PTPRN2: variants seen among roughly 807,000 people sequenced by gnomAD.
The protein encoded by PTPRN2 is protein tyrosine phosphatase receptor type N2.
In PTPRN2, 74 loss-of-function variants were observed where a neutral mutation model predicts 118.8. That is an observed-to-expected ratio of 0.62 (90% CI 0.52 to 0.76). PTPRN2 has a LOEUF of 0.76. PTPRN2 is among the 30% of genes least tolerant of loss of function. The pLI is 0.00. For synonymous variants in PTPRN2, 641 were observed against 608.0 expected (o/e 1.05, Z -0.80); for missense variants, 1,481 against 1,394.4 (o/e 1.06, Z -0.99).
chr7:157,593,236 GGGC>G (rs1369901957), intron 17 of PTPRN2, among the ~76,000 whole-genome samples: 1 of 150,904 alleles, frequency 6.6e-6, no homozygotes, highest in Non-Finnish European at 1.5e-5. Flanking sequence ...GGGTGGATGT[GGGC>G]ATCATCATGG....
At chr7:157,770,933 C>A (rs1403556540) in intron 12 of PTPRN2, among the ~76,000 whole-genome samples, 3 of 152,212 alleles carry the variant, frequency 2.0e-5, no homozygotes. Context: ...CTGTCCTCCC[C>A]ACCTGAGTGC....
At chr7:158,119,032 T>C (rs1816942320) in intron 9 of PTPRN2, among the ~76,000 whole-genome samples, 1 of 152,244 alleles carries the variant, frequency 6.6e-6, no homozygotes, top group South Asian at 2.1e-4. Context: ...GAGATAGCAC[T>C]GTGAGTGTAT....
intron 12 of PTPRN2, among the ~76,000 whole-genome samples, chr7:157,727,931 T>C (rs2150932271): frequency 6.6e-6 from 1 of 152,236 alleles, no homozygotes; most frequent in Non-Finnish European, 1.5e-5. Context: ...CCCTCCATCC[T>C]TCCACACTCA....
At chr7:157,799,897 C>T (rs1805135305) in intron 12 of PTPRN2, among the ~76,000 whole-genome samples, 1 of 147,106 alleles carries the variant, frequency 6.8e-6, no homozygotes, top group African/African-American at 2.6e-5. Flanking sequence ...AGCCGGCCCC[C>T]TCCATCCCTC....
chr7:157,959,656 G>C (rs956352012), intron 11 of PTPRN2, among the ~76,000 whole-genome samples: 1 of 152,174 alleles, frequency 6.6e-6, no homozygotes, highest in Non-Finnish European at 1.5e-5. Flanking sequence ...CACTCCTCAG[G>C]ACGGCCATCC....
intron 12 of PTPRN2, among the ~76,000 whole-genome samples, chr7:157,766,868 G>A (rs553552288): frequency 1.3e-5 from 2 of 152,314 alleles, no homozygotes; most frequent in African/African-American, 4.8e-5. Flanking sequence ...TGTAGTTGAT[G>A]GCACCAGAAA....
intron 11 of PTPRN2, among the ~76,000 whole-genome samples, chr7:157,985,451 G>A (rs1803707370): frequency 6.6e-6 from 1 of 152,172 alleles, no homozygotes; most frequent in Admixed American, 6.5e-5. Context: ...CTGGCCCAAG[G>A]TGACCTCATT....
chr7:158,187,613 G>A (rs1489029623), intron 5 of PTPRN2, among the ~76,000 whole-genome samples: 1 of 152,182 alleles, frequency 6.6e-6, no homozygotes, highest in Non-Finnish European at 1.5e-5. Flanking sequence ...AAAAGAAAAT[G>A]AGTTCTGGGT....
At chr7:157,772,727 G>C (rs891488793) in intron 12 of PTPRN2, among the ~76,000 whole-genome samples, 3 of 152,270 alleles carry the variant, frequency 2.0e-5, no homozygotes, top group African/African-American at 4.8e-5. Context: ...GGTCTGGGGG[G>C]ACCCCTGTGG....
chr7:158,489,305 G>C (rs1433595376), intron 2 of PTPRN2, among the ~76,000 whole-genome samples: 1 of 152,172 alleles, frequency 6.6e-6, no homozygotes, highest in Non-Finnish European at 1.5e-5. Context: ...AAATTAGCCG[G>C]GTGCAGTGGC....
At chr7:158,333,900 C>G (rs1419716661) in intron 2 of PTPRN2, among the ~76,000 whole-genome samples, 23 of 133,688 alleles carry the variant, frequency 1.7e-4, no homozygotes, top group African/African-American at 3.6e-4. Context: ...GAGCTGACAC[C>G]CGCAGACGTC....
At chr7:158,520,390 C>T (rs759334386) in intron 1 of PTPRN2, among the ~76,000 whole-genome samples, 5 of 152,186 alleles carry the variant, frequency 3.3e-5, no homozygotes, top group Non-Finnish European at 4.4e-5. Flanking sequence ...TTATTTATGT[C>T]CATCTAGATG....
At chr7:158,226,686 TTTTTTC>T (rs1294521474) in intron 3 of PTPRN2, among the ~76,000 whole-genome samples, 43 of 110,036 alleles carry the variant, frequency 3.9e-4, no homozygotes, top group Admixed American at 5.9e-4. Flanking sequence ...TTTTTTTTTT[TTTTTTC>T]CGGTGGTATC....
At chr7:158,219,958 G>A (rs1828231931) in intron 3 of PTPRN2, among the ~76,000 whole-genome samples, 1 of 151,386 alleles carries the variant, frequency 6.6e-6, no homozygotes, top group South Asian at 2.1e-4. Context: ...AGAAAGCAGA[G>A]CTAGTAACAA....
At chr7:157,546,042 T>C (rs221271) in intron 22 of PTPRN2, among the ~76,000 whole-genome samples, 75,432 of 152,010 alleles carry the variant, frequency 0.5, 19,013 homozygotes, top group South Asian at 0.68. Flanking sequence ...TTCGCATGGT[T>C]CCATTTCCTT....
intron 1 of PTPRN2, among the ~76,000 whole-genome samples, chr7:158,576,656 A>C (rs113011565): frequency 9.9e-5 from 15 of 152,242 alleles, no homozygotes; most frequent in African/African-American, 3.6e-4. Context: ...TGGTCAAGAC[A>C]GAGGTTCTGG....
At chr7:158,132,825 C>A (rs1254683661) in intron 9 of PTPRN2, among the ~76,000 whole-genome samples, 1 of 146,420 alleles carries the variant, frequency 6.8e-6, no homozygotes, top group Admixed American at 6.8e-5. Flanking sequence ...ACACATCTAC[C>A]CAACATACAC....
chr7:157,791,921 T>C (rs1215974862), intron 12 of PTPRN2, among the ~76,000 whole-genome samples: 3 of 152,188 alleles, frequency 2.0e-5, no homozygotes, highest in Non-Finnish European at 4.4e-5. Context: ...ATCCTGAAGA[T>C]ATGTACGGAA....
At chr7:158,538,399 C>G (rs1281258111) in intron 1 of PTPRN2, among the ~76,000 whole-genome samples, 1 of 152,242 alleles carries the variant, frequency 6.6e-6, no homozygotes, top group Non-Finnish European at 1.5e-5. Flanking sequence ...GGAATCCACT[C>G]GCAGGCGACC....
Sources: gnomAD v4.1 joint callset for allele counts (sites outside exome capture counted in the v4.1 genomes callset) on GRCh38, gnomAD v4.1.1 for gene constraint, MANE v1.5 for transcripts, NCBI Gene and HGNC (gene_info 2026-07-23, HGNC 2026-07-21) for gene names.